The following ACTN2 variants were observed in gnomAD, a reference collection of about 807,000 sequenced individuals.
ACTN2 encodes actinin alpha 2, also known as alpha-actinin-2.
In ACTN2, 39 loss-of-function variants were observed where a neutral mutation model predicts 113.8. The ratio of observed to expected loss-of-function variants is 0.34; its 90% CI spans 0.27 to 0.45. The LOEUF (loss-of-function observed/expected upper bound fraction) is 0.45, where lower values mean the gene tolerates loss of function less well. Among genes scored for constraint, ACTN2 ranks in the 20% least tolerant of loss-of-function variants. The pLI is 1.00. For synonymous variants in ACTN2, 429 were observed against 444.1 expected (o/e 0.97, Z 0.43); for missense variants, 992 against 1,177.9 (o/e 0.84, Z 2.31).
rs894723048 is a variant in ACTN2, at chr1:236,728,225, G to T, written c.615+469G>T. On this transcript the variant is annotated intron_variant, in intron 6 of 20. Coordinates refer to ENST00000366578, the MANE Select transcript of ACTN2 (RefSeq NM_001103.4). ...GTGGTGTGATCTCGGCTCACAGCAGGCTCCGCCTCCCGGGTTCATGCCATT... is the reference window on the plus strand; with the variant it reads ...GTGGTGTGATCTCGGCTCACAGCAGTCTCCGCCTCCCGGGTTCATGCCATT... 4.0e-5 allele frequency among the ~76,000 whole-genome samples: 6 copies of T among 149,646 alleles called. No individual in the cohort carries two copies. In the South Asian group the frequency reaches 1.3e-3, roughly 32 times the overall value.
chr1:236,710,925 C>T (rs542430534), intron 1 of ACTN2, among the ~76,000 whole-genome samples: 10 of 152,174 alleles, frequency 6.6e-5, no homozygotes, highest in African/African-American at 2.2e-4. Context: ...TTGTCTTCCA[C>T]GAAACCGGTC....
At position 236,686,621 on chromosome 1, in the gene ACTN2, C is replaced by G. The variant is rs1239396532; in HGVS notation, c.-53C>G. On this transcript the variant is annotated 5_prime_UTR_variant, in exon 1 of 21. Coordinates refer to ENST00000366578, the MANE Select transcript of ACTN2 (RefSeq NM_001103.4). ...CTCCGTGGGTCCGTTTGCCAGTCAG[C>G]CCGTGCGTCCGAGCCCCTCGCGCCC... 3 of 1,512,256 alleles carry G rather than the reference C, an allele frequency of 2.0e-6. No individual in the cohort carries two copies. The highest frequency in any genetic ancestry group is 2.9e-5 in the African/African-American group (2 of 69,148). 93.7% of individuals were successfully genotyped at this position (1,512,256 alleles called of 1,614,324 possible). A position where few individuals can be genotyped will look rare whatever the true frequency, so the allele number is the denominator to read the frequency against.
chr1:236,760,838 G>A (rs1392708539), intron 19 of ACTN2, among the ~76,000 whole-genome samples, 177 bp from the exon 20 acceptor site: 1 of 152,224 alleles, frequency 6.6e-6, no homozygotes, highest in Admixed American at 6.5e-5. Flanking sequence ...TTGTTTGGTA[G>A]CAGTAAACCT....
chr1:236,712,900 T>C (rs1240621454), intron 1 of ACTN2, among the ~76,000 whole-genome samples: 1 of 147,784 alleles, frequency 6.8e-6, no homozygotes, highest in Non-Finnish European at 1.5e-5. Flanking sequence ...TATCTCATTA[T>C]ATGTTCTCTC....
Position 236,739,537 on chromosome 1 carries a change from G to A in ACTN2, c.1107+5G>A. 6.2e-7 allele frequency: 1 copy of A among 1,613,938 alleles called. No individual in the cohort carries two copies. The highest frequency in any genetic ancestry group is 8.5e-7 in the Non-Finnish European group (1 of 1,179,848). On this transcript the variant is annotated splice_donor_5th_base_variant and intron_variant, in intron 10 of 20. Coordinates refer to ENST00000366578, the MANE Select transcript of ACTN2 (RefSeq NM_001103.4). ...TCCGAGGGCAAGATGGTGTCGGTGA[G>A]TAGCAAGCGCCAAGCCCTCCTGGCG...
chr1:236,757,358 G>T, intron 17 of ACTN2, 128 bp from the exon 18 acceptor site: 2 of 1,211,104 alleles, frequency 1.7e-6, no homozygotes, highest in South Asian at 1.2e-5. Flanking sequence ...TTTTTCAAGT[G>T]TGGGGAAGGC....
In ACTN2 at chr1:236,762,578, G is replaced by C; in HGVS notation, c.2644G>C (p.Ala882Pro). 6.2e-7 allele frequency: 1 copy of C among 1,614,156 alleles called. No homozygotes were observed. The highest frequency in any genetic ancestry group is 1.1e-5 in the South Asian group (1 of 91,090). ...PGSVPGALDY[A>P]AFSSALYGES... The stretch of plus-strand genomic sequence containing the variant: ...CAGTGTGCCTGGTGCACTGGATTAC[G>C]CTGCGTTCTCTTCCGCACTCTACGG... Residue 882 changes from alanine to proline, a missense_variant, in exon 21 of 21, where the codon GCT becomes CCT. By Grantham distance (27) the Ala-to-Pro change is conservative. Transcript: ENST00000366578.
At chr1:236,735,588 T>G (rs768549990) in intron 7 of ACTN2, 47 bp from the exon 8 acceptor site, 4 of 1,437,914 alleles carry the variant, frequency 2.8e-6, no homozygotes, top group Non-Finnish European at 9.8e-7. Context: ...TGTATGTGTG[T>G]GGTGTGTGTG....
At chr1:236,733,190 G>A (rs144673914) in intron 7 of ACTN2, among the ~76,000 whole-genome samples, 79 of 152,180 alleles carry the variant, frequency 5.2e-4, no homozygotes, top group African/African-American at 1.8e-3. Context: ...TAACTATCTC[G>A]AGTTTTCCCA....
In ACTN2 at chr1:236,686,815, C is replaced by T. The variant is rs1475029814; in HGVS notation, c.126+16C>T. The T allele has an allele frequency of 1.4e-5, 21 of 1,471,902 alleles. No homozygotes were observed. Among genetic ancestry groups the T allele is most frequent in the African/African-American group, 2.9e-5 (2 of 68,632 alleles). 91.2% of individuals were successfully genotyped at this position (1,471,902 alleles called of 1,614,324 possible). ...GCAGAGGAAGGTCAGCAGGGGCCCGCGGGCCGCCCGCGCGTGGTGGGGCCG... is the reference window on the plus strand; with the variant it reads ...GCAGAGGAAGGTCAGCAGGGGCCCGTGGGCCGCCCGCGCGTGGTGGGGCCG... On this transcript the variant is annotated intron_variant, in intron 1 of 20. Coordinates refer to ENST00000366578, the MANE Select transcript of ACTN2 (RefSeq NM_001103.4).
At position 236,749,980 on chromosome 1, in the gene ACTN2, C is replaced by T. The variant is rs115686780; in HGVS notation, c.1656+716C>T. Among the ~76,000 whole-genome samples the T allele has an allele frequency of 4.6e-3, 696 of 152,200 alleles. 2 individuals are homozygous for T. Among genetic ancestry groups the T allele is most frequent in the African/African-American group, 0.015 (613 of 41,522 alleles). On this transcript the variant is annotated intron_variant, in intron 14 of 20. Transcript: ENST00000366578. Reference sequence around the variant, plus strand: ...TTATTTAGATCTACAGAGTTTTTTGCCAGATTGTAAACCATAAGAAGCCAC... The same window carrying T: ...TTATTTAGATCTACAGAGTTTTTTGTCAGATTGTAAACCATAAGAAGCCAC...
intron 1 of ACTN2, among the ~76,000 whole-genome samples, chr1:236,712,983 T>C (rs897448926): frequency 6.6e-6 from 1 of 151,996 alleles, no homozygotes; most frequent in Non-Finnish European, 1.5e-5. Context: ...AGGTATGTGA[T>C]TAGTCTTAAT....
intron 3 of ACTN2, 128 bp downstream of exon 3, chr1:236,719,141 C>G: frequency 2.3e-6 from 3 of 1,313,270 alleles, no homozygotes; most frequent in Non-Finnish European, 3.2e-6. Context: ...ATCAGGCTCT[C>G]TCTTAGGGCG....
intron 3 of ACTN2, 103 bp from the exon 4 acceptor site, chr1:236,720,002 T>A: frequency 3.8e-6 from 3 of 793,280 alleles, no homozygotes; most frequent in Non-Finnish European, 6.8e-6. Context: ...TCCATCCATA[T>A]GCACATTTTC....
At chr1:236,712,497 A>G (rs936548520) in intron 1 of ACTN2, among the ~76,000 whole-genome samples, 1 of 152,166 alleles carries the variant, frequency 6.6e-6, no homozygotes, top group Admixed American at 6.5e-5. Flanking sequence ...GTGGATAATT[A>G]CCTATGGTAA....
chr1:236,747,928 G>A, intron 13 of ACTN2, 153 bp downstream of exon 13: 1 of 668,788 alleles, frequency 1.5e-6, no homozygotes, highest in East Asian at 2.8e-5. Flanking sequence ...GAAGAAAGAG[G>A]GAAATGGGAA....
In ACTN2 at chr1:236,697,934, AT is replaced by A. The variant is rs35264789; in HGVS notation, c.126+11154del. On this transcript the variant is annotated intron_variant, in intron 1 of 20. Coordinates refer to ENST00000366578, the MANE Select transcript of ACTN2 (RefSeq NM_001103.4). ...GCCATCATGCCTGGCTAATTTTCGT[AT>A]TTTTTTTTTTTTTTTTTTAGCAGAG... Among the ~76,000 whole-genome samples, 225 of 127,248 alleles carry A rather than the reference AT, an allele frequency of 1.8e-3. 1 individual carries two copies. The highest frequency in any genetic ancestry group is 8.1e-3 in the Middle Eastern group (2 of 248). 83.5% of individuals were successfully genotyped at this position (127,248 alleles called of 152,430 possible). A position where few individuals can be genotyped will look rare whatever the true frequency, so the allele number is the denominator to read the frequency against.
intron 5 of ACTN2, 133 bp downstream of exon 5, chr1:236,726,153 T>C: frequency 1.2e-6 from 1 of 810,284 alleles, no homozygotes; most frequent in South Asian, 1.4e-5. Flanking sequence ...ACTCAGGCTG[T>C]AGAATTCTTG....
intron 1 of ACTN2, among the ~76,000 whole-genome samples, chr1:236,717,507 GT>G (rs893345482): frequency 3.7e-4 from 57 of 152,246 alleles, no homozygotes; most frequent in African/African-American, 1.4e-3. Flanking sequence ...TTGCATATTT[GT>G]GAGCAAGAAA....
Sources: gnomAD v4.1 joint callset for allele counts (sites outside exome capture counted in the v4.1 genomes callset) on GRCh38, gnomAD v4.1.1 for gene constraint, MANE v1.5 for transcripts, NCBI Gene and HGNC (gene_info 2026-07-23, HGNC 2026-07-21) for gene names.